LHFPL3: variants seen among roughly 807,000 people sequenced by gnomAD.
LHFPL3 encodes the protein LHFPL tetraspan subfamily member 3 protein.
A neutral mutation model predicts 19.3 loss-of-function variants in LHFPL3; 5 were observed. The ratio of observed to expected loss-of-function variants is 0.26; its 90% CI spans 0.14 to 0.54. LHFPL3 has a LOEUF of 0.54. Ranked by LOEUF, LHFPL3 falls within the 20% of genes least tolerant of loss-of-function variation. The pLI, the probability that LHFPL3 is intolerant of heterozygous loss-of-function variation, is 0.94. For synonymous variants in LHFPL3, 133 were observed against 126.2 expected, an observed-to-expected ratio of 1.05 and a Z score of -0.36; for missense variants, 249 against 307.4, an observed-to-expected ratio of 0.81 and a Z score of 1.42.
At chr7:104,370,609 G>C (rs1048404710) in intron 1 of LHFPL3, among the ~76,000 whole-genome samples, 1 of 152,230 alleles carries the variant, frequency 6.6e-6, no homozygotes, top group Non-Finnish European at 1.5e-5. Context: ...AGGGCCGGAT[G>C]TGGTGGCTCA....
intron 2 of LHFPL3, among the ~76,000 whole-genome samples, chr7:104,794,901 C>T (rs948649248): frequency 6.6e-6 from 1 of 152,142 alleles, no homozygotes; most frequent in African/African-American, 2.4e-5. Flanking sequence ...TACTTATCTC[C>T]CTATGTGCTT....
rs1318390424 is a variant in LHFPL3 at position 104,668,918 on chromosome 7, G to A, written c.446-67757G>A. Reference sequence around the variant, plus strand: ...GAGAAGTTGCAGCGTCAGCTGGATGGGCCAAAACTAGAACGACGGCCTCGG... The same window carrying A: ...GAGAAGTTGCAGCGTCAGCTGGATGAGCCAAAACTAGAACGACGGCCTCGG... On this transcript the variant is annotated intron_variant, in intron 1 of 2. Coordinates refer to ENST00000424859, the MANE Select transcript of LHFPL3 (RefSeq NM_199000.3). 8.1e-6 allele frequency: 13 copies of A among 1,612,288 alleles called. No homozygotes were observed. In the East Asian group the frequency reaches 8.9e-5, roughly 11 times the overall value.
chr7:104,538,400 T>G (rs1794427166), intron 1 of LHFPL3, among the ~76,000 whole-genome samples: 1 of 152,186 alleles, frequency 6.6e-6, no homozygotes, highest in Non-Finnish European at 1.5e-5. Flanking sequence ...AGAGACTGCC[T>G]CTTAGAGGTC....
chr7:104,612,391 G>GTGGA (rs1791228382), intron 1 of LHFPL3, among the ~76,000 whole-genome samples: 1 of 152,050 alleles, frequency 6.6e-6, no homozygotes. Context: ...GGGTGGGTGG[G>GTGGA]TGGATGGATG....
chr7:104,463,538 G>A lies in LHFPL3; in HGVS notation c.445+134314G>A, dbSNP rs182912187. On this transcript the variant is annotated intron_variant, in intron 1 of 2. Coordinates refer to ENST00000424859, the MANE Select transcript of LHFPL3 (RefSeq NM_199000.3). ...ACACAAGACTGGGTAACTTATAAAG[G>A]AAGAAGTTTTAATTGACTCACAGTT... Among the ~76,000 whole-genome samples the A allele has an allele frequency of 1.6e-3, 246 of 152,272 alleles. 1 individual carries two copies. The highest frequency in any genetic ancestry group is 5.6e-3 in the African/African-American group (231 of 41,556).
chr7:104,754,227 A>T lies in LHFPL3; in HGVS notation c.682+17316A>T, dbSNP rs76885895. On this transcript the variant is annotated intron_variant, in intron 2 of 2. Coordinates refer to ENST00000424859, the MANE Select transcript of LHFPL3 (RefSeq NM_199000.3). ...GGATCTTAAAAACAGAATGCTTAAT[A>T]AAAAAAAGAAACAGAATAAAATAAG... is the stretch of plus-strand genomic sequence containing the variant. Among the ~76,000 whole-genome samples, 698 of 151,630 alleles carry T rather than the reference A, an allele frequency of 4.6e-3. 30 individuals carry two copies. The East Asian group carries it at 0.1, about 22-fold the overall frequency.
At chr7:104,723,680 C>G (rs1041923090) in intron 1 of LHFPL3, among the ~76,000 whole-genome samples, 1 of 134,280 alleles carries the variant, frequency 7.4e-6, no homozygotes, top group African/African-American at 2.9e-5. Context: ...CAAGATTGCA[C>G]CATTGCACTC....
At chr7:104,807,256 G>C (rs1193477761) in intron 2 of LHFPL3, among the ~76,000 whole-genome samples, 1 of 152,072 alleles carries the variant, frequency 6.6e-6, no homozygotes, top group African/African-American at 2.4e-5. Context: ...GCAGAGAAGA[G>C]GTTGGGGCGA....
At chr7:104,828,214 T>A (rs1790863479) in intron 2 of LHFPL3, among the ~76,000 whole-genome samples, 1 of 151,928 alleles carries the variant, frequency 6.6e-6, no homozygotes, top group Non-Finnish European at 1.5e-5. Flanking sequence ...CCTCAGCCTC[T>A]ATATGTGAGA....
intron 1 of LHFPL3, among the ~76,000 whole-genome samples, chr7:104,353,125 A>G (rs1444430754): frequency 1.3e-5 from 2 of 152,246 alleles, no homozygotes; most frequent in African/African-American, 2.4e-5. Flanking sequence ...CGACATGTTC[A>G]TGAAACCAGA....
intron 1 of LHFPL3, among the ~76,000 whole-genome samples, chr7:104,457,024 TAGG>T (rs970946561): frequency 2.0e-5 from 3 of 152,312 alleles, no homozygotes; most frequent in African/African-American, 7.2e-5. Context: ...CTGATTAAGT[TAGG>T]AGATGTTGCC....
At chr7:104,344,159 T>C (rs1193136921) in intron 1 of LHFPL3, among the ~76,000 whole-genome samples, 1 of 152,194 alleles carries the variant, frequency 6.6e-6, no homozygotes, top group African/African-American at 2.4e-5. Context: ...AAGATAATTA[T>C]AATACTGGAT....
At chr7:104,646,040 A>T (rs527955325) in intron 1 of LHFPL3, among the ~76,000 whole-genome samples, 1 of 152,316 alleles carries the variant, frequency 6.6e-6, no homozygotes, top group South Asian at 2.1e-4. Context: ...GTGTAGTGAG[A>T]CATGAGGCTT....
chr7:104,475,678 T>C (rs191291873), intron 1 of LHFPL3, among the ~76,000 whole-genome samples: 1 of 152,308 alleles, frequency 6.6e-6, no homozygotes, highest in African/African-American at 2.4e-5. Flanking sequence ...TTCATGTTGA[T>C]GATTTACAGT....
At chr7:104,781,223 T>C (rs1794710911) in intron 2 of LHFPL3, among the ~76,000 whole-genome samples, 1 of 152,178 alleles carries the variant, frequency 6.6e-6, no homozygotes, top group African/African-American at 2.4e-5. Context: ...TTTTTTCTTC[T>C]CCTAAATGTC....
At chr7:104,553,333 A>G (rs1050758337) in intron 1 of LHFPL3, among the ~76,000 whole-genome samples, 1 of 152,188 alleles carries the variant, frequency 6.6e-6, no homozygotes, top group Non-Finnish European at 1.5e-5. Flanking sequence ...TGTAAGGCAC[A>G]AAAATATGCT....
chr7:104,726,209 G>GTATTGTCTAGATGTTAC (rs1793588887), intron 1 of LHFPL3, among the ~76,000 whole-genome samples: 1 of 152,030 alleles, frequency 6.6e-6, no homozygotes, highest in Non-Finnish European at 1.5e-5. Flanking sequence ...ATTTTAGAGT[G>GTATTGTCTAGATGTTAC]TATTGTCTAG....
chr7:104,888,472 C>G lies in LHFPL3; in HGVS notation c.683-17715C>G, dbSNP rs561180803. On this transcript the variant is annotated intron_variant, in intron 2 of 2. Transcript: ENST00000424859. Reference sequence around the variant, plus strand: ...TTGGACCCAGGAGTTGGAGGTTGCACTGAGCTATGATCATGCCACTGCACT... The same window carrying G: ...TTGGACCCAGGAGTTGGAGGTTGCAGTGAGCTATGATCATGCCACTGCACT... Among the ~76,000 whole-genome samples the G allele has an allele frequency of 4.6e-5, 7 of 152,288 alleles. 1 individual carries two copies. The highest frequency in any genetic ancestry group is 1.7e-4 in the African/African-American group (7 of 41,564).
intron 1 of LHFPL3, among the ~76,000 whole-genome samples, chr7:104,602,020 C>CTTTTTTTTTTTTTTT (rs57501560): frequency 3.5e-4 from 32 of 91,458 alleles, no homozygotes; most frequent in Non-Finnish European, 4.6e-4. Context: ...TTTTTCTTTT[C>CTTTTTTTTTTTTTTT]TTTTTTTTTT....
Sources: gnomAD v4.1 joint callset for allele counts (sites outside exome capture counted in the v4.1 genomes callset) on GRCh38, gnomAD v4.1.1 for gene constraint, MANE v1.5 for transcripts, NCBI Gene and HGNC (gene_info 2026-07-23, HGNC 2026-07-21) for gene names.